Variants in ABCG5 observed in about 807,000 individuals in gnomAD.
The protein encoded by ABCG5 is ATP-binding cassette sub-family G member 5.
ABCG5 carries 64 observed loss-of-function variants against 64.5 expected under a neutral mutation model. The observed-to-expected ratio is 0.99, with a 90% CI of 0.81 to 1.22. The LOEUF (loss-of-function observed/expected upper bound fraction) is 1.22, where lower values mean the gene tolerates loss of function less well. ABCG5 is among the 50% of genes most tolerant of loss of function. ABCG5 has a pLI of 0.00. For missense variants in ABCG5, 908 were observed against 829.5 expected (o/e 1.09, Z -1.16); for synonymous variants, 385 against 326.3 (o/e 1.18, Z -1.94).
At chr2:43,822,488 AT>A in intron 10 of ABCG5, 316 of 348,788 alleles carry the variant, frequency 9.1e-4, no homozygotes, top group Middle Eastern at 1.7e-3. Flanking sequence ...GCCCCCCCCC[AT>A]GCACCTGGGT....
intron 7 of ABCG5, 112 bp downstream of exon 7, chr2:43,824,777 A>C: frequency 6.5e-7 from 1 of 1,533,984 alleles, no homozygotes; most frequent in South Asian, 1.2e-5. Flanking sequence ...AGTATAAAAC[A>C]CAAAAACAAA....
rs772276884 is a variant in ABCG5 at position 43,828,976 on chromosome 2, T to A, written c.502-861A>T. On this transcript the variant is annotated intron_variant, in intron 4 of 12. Transcript: ENST00000405322. Reference sequence around the variant, plus strand: ...CGAGACTCCGATTCAAAAAAAATAATAATAAATAAATAAACAAATAAAATA... The same window carrying A: ...CGAGACTCCGATTCAAAAAAAATAAAAATAAATAAATAAACAAATAAAATA... Among the ~76,000 whole-genome samples, 640 of 151,600 alleles carry A rather than the reference T, an allele frequency of 4.2e-3. 10 individuals are homozygous for A. The highest frequency in any genetic ancestry group is 0.014 in the African/African-American group (582 of 41,340).
the ABCG5 span, among the ~76,000 whole-genome samples, chr2:43,806,388 T>C: frequency 6.6e-6 from 1 of 152,186 alleles, no homozygotes; most frequent in Non-Finnish European, 1.5e-5. Flanking sequence ...CCAGGGTTTT[T>C]TTCTCAGTAT....
rs374040301 is a variant in ABCG5 at position 43,814,556 on chromosome 2, G to A, written c.1683C>T (p.Ile561=). Reference sequence around the variant, plus strand: ...ATTTTTGGAATGTAAAATAACTGATGATTTTAAAAGGAATGGGCATTTCTT... The same window carrying A: ...ATTTTTGGAATGTAAAATAACTGATAATTTTAAAAGGAATGGGCATTTCTT... ...NIQEMPIPFK[I]ISYFTFQKYC... is the part of the protein sequence containing the mutation. The change falls in exon 12 of 13, where the codon ATC becomes ATT. Residue 561 remains isoleucine, a synonymous_variant. Transcript: ENST00000405322. 1 of 1,605,760 alleles carries A rather than the reference G, an allele frequency of 6.2e-7. No individual in the cohort carries two copies. The highest frequency in any genetic ancestry group is 8.5e-7 in the Non-Finnish European group (1 of 1,173,584).
At chr2:43,833,363 A>ATATTAT (rs67113914) in intron 2 of ABCG5, among the ~76,000 whole-genome samples, 7,097 of 144,162 alleles carry the variant, frequency 0.049, 186 homozygotes, top group Middle Eastern at 0.076. Flanking sequence ...TTTTGTTGAA[A>ATATTAT]TATTATTATT....
chr2:43,822,765 C>T, intron 10 of ABCG5, 32 bp downstream of exon 10: 1 of 1,613,826 alleles, frequency 6.2e-7, no homozygotes, highest in Non-Finnish European at 8.5e-7. Flanking sequence ...TCCATGGGAG[C>T]CCGGCCCTGG....
chr2:43,819,882 C>G (rs1450530287), intron 11 of ABCG5, 33 bp downstream of exon 11: 5 of 1,607,644 alleles, frequency 3.1e-6, no homozygotes, highest in Non-Finnish European at 4.3e-6. Context: ...ACAGATTATC[C>G]CAATCTAAAT....
chr2:43,822,760 G>A (rs1397434205), intron 10 of ABCG5, 37 bp downstream of exon 10: 2 of 1,613,828 alleles, frequency 1.2e-6, no homozygotes, highest in South Asian at 2.2e-5. Context: ...ATGACTCCAT[G>A]GGAGCCCGGC....
rs751930803 is a variant in ABCG5, at chr2:43,838,030, A to T, written c.144-75T>A. 75 of 1,600,468 alleles carry T rather than the reference A, an allele frequency of 4.7e-5. No individual in the cohort carries two copies. Among genetic ancestry groups the T allele is most frequent in the Non-Finnish European group, 5.9e-5 (69 of 1,170,904 alleles). On this transcript the variant is annotated intron_variant, in intron 1 of 12. Coordinates refer to ENST00000405322, the MANE Select transcript of ABCG5 (RefSeq NM_022436.3). The surrounding 1 kb of genome is among the most constrained non-coding windows in gnomAD (Gnocchi z 4.2). ...GGCCACACCCAGGTCCCCAGCATTGATCCTACCTGTGCCCCACCCCAGTAG... is the reference window on the plus strand; with the variant it reads ...GGCCACACCCAGGTCCCCAGCATTGTTCCTACCTGTGCCCCACCCCAGTAG...
intron 12 of ABCG5, among the ~76,000 whole-genome samples, chr2:43,813,708 C>CCTTTTTTTTTTTTTTTTTTT (rs1558715512): frequency 2.8e-5 from 1 of 35,374 alleles, no homozygotes; most frequent in Non-Finnish European, 5.7e-5. Context: ...TTTTTTTTTT[C>CCTTTTTTTTTTTTTTTTTTT]GTTTTTTTTT....
chr2:43,807,743 CAAAAAAAAAAAAAAAA>C (rs536977133), downstream of ABCG5, among the ~76,000 whole-genome samples: 7 of 41,632 alleles, frequency 1.7e-4, no homozygotes, highest in East Asian at 2.6e-3. Context: ...TTTGTTAAAG[CAAAAAAAAAAAAAAAA>C]AAAAAAAAAA....
chr2:43,810,062 T>A, downstream of ABCG5: 2 of 699,272 alleles, frequency 2.9e-6, no homozygotes, highest in Non-Finnish European at 3.6e-6. Context: ...TCTGCTTATA[T>A]GTTTTTAGGA....
At chr2:43,834,310 C>G (rs77779857) in intron 2 of ABCG5, among the ~76,000 whole-genome samples, 3 of 152,154 alleles carry the variant, frequency 2.0e-5, no homozygotes, top group African/African-American at 4.8e-5. Context: ...AGCCTGGGTC[C>G]CAGCCCCACC....
intron 4 of ABCG5, among the ~76,000 whole-genome samples, chr2:43,829,233 A>G (rs1667820066): frequency 6.6e-6 from 1 of 152,206 alleles, no homozygotes; most frequent in Non-Finnish European, 1.5e-5. Context: ...ACCTGATTTG[A>G]ACTAAACCTG....
chr2:43,820,210 TG>T, intron 10 of ABCG5, 110 bp from the exon 11 acceptor site: 3 of 1,330,770 alleles, frequency 2.3e-6, no homozygotes, highest in Non-Finnish European at 2.1e-6. Flanking sequence ...GGGAGAAGTT[TG>T]CAGGGCAAGC....
chr2:43,807,743 C>CA (rs536977133), downstream of ABCG5, among the ~76,000 whole-genome samples: 1,533 of 41,672 alleles, frequency 0.037, 114 homozygotes, highest in East Asian at 0.15. Context: ...TTTGTTAAAG[C>CA]AAAAAAAAAA....
chr2:43,812,990 T>A lies in ABCG5; in HGVS notation c.*126A>T, dbSNP rs956175257. On this transcript the variant is annotated 3_prime_UTR_variant, in exon 13 of 13. Transcript: ENST00000405322. ...TTGGATCCAAGAGGCACAAATGGAG[T>A]CTTAATGGTTAAAAGACTTGAGATG... 7 of 700,934 alleles carry A rather than the reference T, an allele frequency of 1.0e-5. No homozygotes were observed. The highest frequency in any genetic ancestry group is 1.8e-5 in the Non-Finnish European group (7 of 379,034). 43.4% of individuals were successfully genotyped at this position (700,934 alleles called of 1,614,324 possible).
At position 43,828,019 on chromosome 2, in the gene ABCG5, G is replaced by C. The variant is rs986330996; in HGVS notation, c.598C>G (p.Arg200Gly). 129 of 1,613,980 alleles carry C rather than the reference G, an allele frequency of 8.0e-5. 1 individual carries two copies. The highest frequency in any genetic ancestry group is 1.0e-4 in the Non-Finnish European group (121 of 1,180,034). The change falls in exon 5 of 13, where the codon CGG (arginine) becomes GGG (glycine). Residue 200 changes from arginine (R) to glycine (G), a missense_variant. Physicochemically the swap from Arg to Gly is moderately radical, Grantham distance 125. Transcript: ENST00000405322. ...AGCAGCTGGGCTGCGATGGAGACCC[G>C]GCGCCGCTCACCCGTGGAAATGCCC... The part of the protein sequence containing the change: ...LGGISTGERR[R>G]VSIAAQLLQD...
chr2:43,832,192 T>G, intron 2 of ABCG5, 109 bp from the exon 3 acceptor site: 1 of 1,443,952 alleles, frequency 6.9e-7, no homozygotes, highest in South Asian at 1.2e-5. Flanking sequence ...GAGTGCTACA[T>G]GACGGACCCT....
Sources: gnomAD v4.1 joint callset for allele counts (sites outside exome capture counted in the v4.1 genomes callset) on GRCh38, gnomAD v4.1.1 for gene constraint, Gnocchi (gnomAD v3.1) non-coding constraint, MANE v1.5 for transcripts, NCBI Gene and HGNC (gene_info 2026-07-23, HGNC 2026-07-21) for gene names.